Variants in HCN1 observed in about 807,000 individuals in gnomAD.
HCN1 encodes hyperpolarization activated cyclic nucleotide gated potassium channel 1.
A neutral mutation model predicts 78.9 loss-of-function variants in HCN1; 13 were observed. The ratio of observed to expected loss-of-function variants is 0.16; its 90% confidence interval spans 0.11 to 0.26. The LOEUF (loss-of-function observed/expected upper bound fraction) is 0.26. Among genes scored for constraint, HCN1 ranks in the 10% least tolerant of loss-of-function variants. The probability of loss-of-function intolerance (pLI) is 1.00; values close to 1 mark genes in which losing one functional copy is unlikely to be tolerated. For synonymous variants in HCN1, 552 were observed against 455.5 expected, an observed-to-expected ratio of 1.21 and a Z score of -2.70; for missense variants, 810 against 1,154.3, an observed-to-expected ratio of 0.70 and a Z score of 4.32.
rs986755202 is a variant in HCN1, at chr5:45,300,882, A to G, written c.1618+2717T>C. On this transcript the variant is annotated intron_variant, in intron 6 of 7. Transcript: ENST00000303230. ...CTTTTTTCTTAGAATAACCCATACAAAAGGCTAAGGGGCCAATGAGACAAC... is the reference window on the plus strand; with the variant it reads ...CTTTTTTCTTAGAATAACCCATACAGAAGGCTAAGGGGCCAATGAGACAAC... Among the ~76,000 whole-genome samples the G allele has an allele frequency of 3.3e-5, 5 of 152,246 alleles. No individual in the cohort carries two copies. In the East Asian group the frequency reaches 7.7e-4, roughly 24 times the overall value.
At chr5:45,358,932 T>C (rs1291302639) in intron 4 of HCN1, among the ~76,000 whole-genome samples, 2 of 152,100 alleles carry the variant, frequency 1.3e-5, no homozygotes, top group African/African-American at 4.8e-5. Context: ...TACCTGTACA[T>C]CTGCACAAGA....
chr5:45,311,093 C>A lies in HCN1; in HGVS notation c.1378-7254G>T, dbSNP rs190128738. Among the ~76,000 whole-genome samples, 101 of 152,228 alleles carry A rather than the reference C, an allele frequency of 6.6e-4. 1 individual carries two copies. In the East Asian group the frequency reaches 0.012, roughly 18 times the overall value. Reference sequence around the variant, plus strand: ...TGCCTGAGTGATGAAATAATCTGTACAACAAACCCCCATTATCTCCATGTT... The same window carrying A: ...TGCCTGAGTGATGAAATAATCTGTAAAACAAACCCCCATTATCTCCATGTT... On this transcript the variant is annotated intron_variant, in intron 5 of 7. Coordinates refer to ENST00000303230, the MANE Select transcript of HCN1 (RefSeq NM_021072.4).
chr5:45,393,273 C>CAGAGGA (rs1739620482), intron 4 of HCN1, among the ~76,000 whole-genome samples: 1 of 152,070 alleles, frequency 6.6e-6, no homozygotes, highest in South Asian at 2.1e-4. Flanking sequence ...TTGCTCATTG[C>CAGAGGA]AGAGGAAGAA....
intron 2 of HCN1, among the ~76,000 whole-genome samples, chr5:45,605,092 G>A (rs1369287839): frequency 6.6e-6 from 1 of 151,934 alleles, no homozygotes; most frequent in Non-Finnish European, 1.5e-5. Context: ...AAGTCTTCCT[G>A]TTTGAGCATA....
At chr5:45,379,940 AAG>A (rs1747769272) in intron 4 of HCN1, among the ~76,000 whole-genome samples, 1 of 152,082 alleles carries the variant, frequency 6.6e-6, no homozygotes, top group African/African-American at 2.4e-5. Context: ...AAGAGAAAAA[AAG>A]AGAGGCATAT....
chr5:45,325,466 CAAAT>C (rs768294618), intron 5 of HCN1, among the ~76,000 whole-genome samples: 1 of 151,488 alleles, frequency 6.6e-6, no homozygotes, highest in Non-Finnish European at 1.5e-5. Flanking sequence ...TCAAAGTCAA[CAAAT>C]AAAACATATA....
At chr5:45,274,094 A>C (rs1342097068) in intron 6 of HCN1, among the ~76,000 whole-genome samples, 1 of 152,162 alleles carries the variant, frequency 6.6e-6, no homozygotes, top group Non-Finnish European at 1.5e-5. Flanking sequence ...GAATACAACA[A>C]ATTTCTAAAT....
intron 2 of HCN1, among the ~76,000 whole-genome samples, chr5:45,495,535 G>A (rs1339216985): frequency 3.9e-5 from 6 of 152,086 alleles, no homozygotes; most frequent in East Asian, 1.9e-4. Flanking sequence ...ATACAATCAC[G>A]TCGTCTGCAA....
chr5:45,664,111 T>C (rs1406247777), intron 1 of HCN1, among the ~76,000 whole-genome samples: 4 of 87,426 alleles, frequency 4.6e-5, no homozygotes, highest in African/African-American at 1.4e-4. Flanking sequence ...ATATACACCA[T>C]GGAATACTAT....
At chr5:45,385,848 G>A (rs911506180) in intron 4 of HCN1, among the ~76,000 whole-genome samples, 3 of 152,166 alleles carry the variant, frequency 2.0e-5, no homozygotes, top group Non-Finnish European at 2.9e-5. Context: ...GGACACAGCC[G>A]TTGTGTGACT....
intron 1 of HCN1, among the ~76,000 whole-genome samples, chr5:45,684,577 T>C (rs533854659): frequency 6.6e-6 from 1 of 152,102 alleles, no homozygotes; most frequent in Non-Finnish European, 1.5e-5. Context: ...ACTAATCAAA[T>C]AGGCCAGGCA....
At chr5:45,327,790 G>T (rs1214284816) in intron 5 of HCN1, among the ~76,000 whole-genome samples, 1 of 151,614 alleles carries the variant, frequency 6.6e-6, no homozygotes, top group African/African-American at 2.4e-5. Flanking sequence ...ACACAGAAAA[G>T]ACATCTGGGG....
chr5:45,374,189 A>G (rs372737819), intron 4 of HCN1, among the ~76,000 whole-genome samples: 35 of 111,394 alleles, frequency 3.1e-4, no homozygotes, highest in South Asian at 2.0e-3. Flanking sequence ...TATATATTAT[A>G]TACATTATAT....
chr5:45,493,634 T>G (rs899192190), intron 2 of HCN1, among the ~76,000 whole-genome samples: 3 of 151,952 alleles, frequency 2.0e-5, no homozygotes, highest in Non-Finnish European at 2.9e-5. Context: ...AGTTTTAGGG[T>G]ACATGTGCAC....
At chr5:45,384,502 A>G (rs1020121951) in intron 4 of HCN1, among the ~76,000 whole-genome samples, 1 of 152,126 alleles carries the variant, frequency 6.6e-6, no homozygotes, top group African/African-American at 2.4e-5. Flanking sequence ...TTAAGTGAAG[A>G]TTTATTTATA....
chr5:45,593,136 C>T (rs1402242207), intron 2 of HCN1, among the ~76,000 whole-genome samples: 2 of 152,112 alleles, frequency 1.3e-5, no homozygotes, highest in African/African-American at 2.4e-5. Flanking sequence ...TTCCTATATT[C>T]TGTACATACC....
At chr5:45,436,814 CT>C (rs1740567472) in intron 3 of HCN1, among the ~76,000 whole-genome samples, 1 of 152,142 alleles carries the variant, frequency 6.6e-6, no homozygotes, top group African/African-American at 2.4e-5. Context: ...TTGTTCTGCA[CT>C]TTTTGTTGGA....
At chr5:45,354,713 T>C (rs991899872) in intron 4 of HCN1, among the ~76,000 whole-genome samples, 2 of 152,028 alleles carry the variant, frequency 1.3e-5, no homozygotes, top group Admixed American at 1.3e-4. Context: ...CTTTCTTTGA[T>C]AACCAGACTG....
At chr5:45,442,777 G>T (rs1214397902) in intron 3 of HCN1, among the ~76,000 whole-genome samples, 1 of 151,972 alleles carries the variant, frequency 6.6e-6, no homozygotes, top group East Asian at 1.9e-4. Flanking sequence ...GTCATGGGCT[G>T]CCTTTTATCT....
Sources: gnomAD v4.1 joint callset for allele counts (sites outside exome capture counted in the v4.1 genomes callset) on GRCh38, gnomAD v4.1.1 for gene constraint, MANE v1.5 for transcripts, NCBI Gene and HGNC (gene_info 2026-07-23, HGNC 2026-07-21) for gene names.